The following MAST4 variants were observed in gnomAD, a reference collection of about 807,000 sequenced individuals.
MAST4 encodes microtubule-associated serine/threonine-protein kinase 4.
Under a neutral mutation model 162.7 loss-of-function variants are expected in MAST4, and 89 were observed. The ratio of observed to expected loss-of-function variants is 0.55; its 90% CI spans 0.46 to 0.65. MAST4 has a LOEUF of 0.65. Among genes scored for constraint, MAST4 ranks in the 30% least tolerant of loss-of-function variants. The probability of loss-of-function intolerance (pLI) is 0.00; values close to 1 mark genes in which losing one functional copy is unlikely to be tolerated. For synonymous variants in MAST4, 1,479 were observed against 1,361.1 expected, an observed-to-expected ratio of 1.09 and a Z score of -1.91; for missense variants, 3,153 against 3,374.0, an observed-to-expected ratio of 0.93 and a Z score of 1.62.
intron 4 of MAST4, among the ~76,000 whole-genome samples, chr5:66,973,984 C>T (rs151226126): frequency 6.6e-6 from 1 of 152,110 alleles, no homozygotes; most frequent in Admixed American, 6.5e-5. Flanking sequence ...TTGAGCACCT[C>T]CTCACTTTCT....
chr5:67,134,710 CT>C, intron 18 of MAST4, 22 bp downstream of exon 18: 2 of 1,589,454 alleles, frequency 1.3e-6, no homozygotes, highest in South Asian at 1.1e-5. Context: ...CAGGAGTTAT[CT>C]TTAGGTCACT....
intron 1 of MAST4, among the ~76,000 whole-genome samples, chr5:66,750,923 T>C (rs903141054): frequency 9.2e-5 from 14 of 152,342 alleles, no homozygotes; most frequent in African/African-American, 1.9e-4. Context: ...AGAGCAGTGG[T>C]TCTCCCAGCA....
At chr5:66,932,798 G>T (rs2150078188) in intron 4 of MAST4, among the ~76,000 whole-genome samples, 1 of 152,250 alleles carries the variant, frequency 6.6e-6, no homozygotes, top group South Asian at 2.1e-4. Context: ...ATTAGTCTTT[G>T]ATAGAGTGAA....
At chr5:67,145,459 G>C (rs1159577773) in intron 23 of MAST4, 80 bp downstream of exon 23, 19 of 1,217,328 alleles carry the variant, frequency 1.6e-5, no homozygotes, top group Middle Eastern at 2.8e-4. Flanking sequence ...GGCGGGCCTC[G>C]CCAGGCAGTA....
chr5:66,689,127 G>A (rs976947505), intron 1 of MAST4, among the ~76,000 whole-genome samples: 1 of 141,186 alleles, frequency 7.1e-6, no homozygotes, highest in Non-Finnish European at 1.5e-5. Context: ...TTTTTTTTTT[G>A]CAATTTAAGC....
intron 1 of MAST4, among the ~76,000 whole-genome samples, chr5:66,620,214 T>A (rs1252067343): frequency 6.6e-6 from 1 of 152,134 alleles, no homozygotes; most frequent in African/African-American, 2.4e-5. Context: ...GCTTGTGTTT[T>A]CTCTAGCACT....
At chr5:66,867,580 A>C (rs111525656) in intron 3 of MAST4, among the ~76,000 whole-genome samples, 1,758 of 152,228 alleles carry the variant, frequency 0.012, 16 homozygotes, top group Non-Finnish European at 0.015. Context: ...GCACATGTCA[A>C]CTCTTCTTTT....
At chr5:66,943,241 G>A (rs1361627589) in intron 4 of MAST4, among the ~76,000 whole-genome samples, 1 of 152,082 alleles carries the variant, frequency 6.6e-6, no homozygotes, top group Non-Finnish European at 1.5e-5. Context: ...GTGAAATGAG[G>A]TTGATAATAG....
At chr5:66,838,983 G>A (rs1369407366) in intron 3 of MAST4, among the ~76,000 whole-genome samples, 2 of 152,164 alleles carry the variant, frequency 1.3e-5, no homozygotes, top group Non-Finnish European at 2.9e-5. Flanking sequence ...TGCTTAGGAA[G>A]AGGCCAAGAA....
In MAST4 at chr5:66,798,631, G is replaced by A. The variant is rs116717174; in HGVS notation, c.642+9837G>A. Reference sequence around the variant, plus strand: ...ATTACTGTTTTCACAGTAGAATTCTGTATTTAGTGAGTAATAATTGGGTTC... The same window carrying A: ...ATTACTGTTTTCACAGTAGAATTCTATATTTAGTGAGTAATAATTGGGTTC... On this transcript the variant is annotated intron_variant, in intron 3 of 28. Coordinates refer to ENST00000403625, the MANE Select transcript of MAST4 (RefSeq NM_001164664.2). Among the ~76,000 whole-genome samples, 479 of 152,294 alleles carry A rather than the reference G, an allele frequency of 3.1e-3. 2 individuals are homozygous for A. Among genetic ancestry groups the A allele is most frequent in the African/African-American group, 0.011 (453 of 41,558 alleles).
rs144346322 is a variant in MAST4 at position 67,009,719 on chromosome 5, G to A, written c.675-44685G>A. Among the ~76,000 whole-genome samples the A allele has an allele frequency of 1.4e-3, 219 of 152,246 alleles. 1 individual carries two copies. Among genetic ancestry groups the A allele is most frequent in the African/African-American group, 5.1e-3 (211 of 41,542 alleles). The stretch of plus-strand genomic sequence containing the variant: ...TGAAGCTGCGGAGGAGAGCTGAGGC[G>A]CTTGGCATATGAGGGAGTTTGGTTT... On this transcript the variant is annotated intron_variant, in intron 4 of 28. Coordinates refer to ENST00000403625, the MANE Select transcript of MAST4 (RefSeq NM_001164664.2).
At chr5:66,960,807 A>G (rs1259666418) in intron 4 of MAST4, among the ~76,000 whole-genome samples, 1 of 152,176 alleles carries the variant, frequency 6.6e-6, no homozygotes. Flanking sequence ...TTTTAAAAAT[A>G]TGAACTCAGC....
At chr5:66,632,489 G>T (rs1017975616) in intron 1 of MAST4, among the ~76,000 whole-genome samples, 1 of 151,998 alleles carries the variant, frequency 6.6e-6, no homozygotes. Context: ...GTCTAATGTG[G>T]TGTTTATTTA....
chr5:66,636,673 C>G (rs754064050), intron 1 of MAST4, among the ~76,000 whole-genome samples: 1 of 152,148 alleles, frequency 6.6e-6, no homozygotes, highest in Non-Finnish European at 1.5e-5. Context: ...TTGTAGTTAG[C>G]AATTGTGCCT....
intron 1 of MAST4, among the ~76,000 whole-genome samples, chr5:66,713,608 A>G (rs973010660): frequency 2.0e-5 from 3 of 152,212 alleles, no homozygotes; most frequent in African/African-American, 7.2e-5. Flanking sequence ...CTTCAATTGA[A>G]TCAACATCTT....
chr5:66,648,069 TGTGTGTGTGTGTGTGAGAGA>T lies in MAST4; in HGVS notation c.363+51053_363+51072del, dbSNP rs1343296087. 2.2e-3 allele frequency among the ~76,000 whole-genome samples: 195 copies of T among 90,656 alleles called. 4 individuals are homozygous for T. Among genetic ancestry groups the T allele is most frequent in the African/African-American group, 8.2e-3 (189 of 23,182 alleles). 59.5% of individuals were successfully genotyped at this position (90,656 alleles called of 152,430 possible). A position where few individuals can be genotyped will look rare whatever the true frequency, so the allele number is the denominator to read the frequency against. On this transcript the variant is annotated intron_variant, in intron 1 of 28. Coordinates refer to ENST00000403625, the MANE Select transcript of MAST4 (RefSeq NM_001164664.2). ...GTGTGTGTGTGTGTGTGTGTGTGTG[TGTGTGTGTGTGTGTGAGAGA>T]GAGAGAGAGAGAGAGATTTAGTATT... is the stretch of plus-strand genomic sequence containing the variant.
Position 67,166,899 on chromosome 5 carries a change from A to G in MAST4, c.7720A>G (p.Arg2574Gly). 3 of 1,611,266 alleles carry G rather than the reference A, an allele frequency of 1.9e-6. No homozygotes were observed. Among genetic ancestry groups the G allele is most frequent in the Non-Finnish European group, 2.5e-6 (3 of 1,179,042 alleles). The change falls in exon 29 of 29, where the codon AGG becomes GGG. Residue 2574 changes from arginine (R) to glycine (G), a missense_variant. Coordinates refer to ENST00000403625, the MANE Select transcript of MAST4 (RefSeq NM_001164664.2). The stretch of plus-strand genomic sequence containing the variant: ...TGCCCCAGCCCAGCCTCCCCCAGCT[A>G]GGAAACAGAACGTGGGCAGAGACGT... ...DPAPAQPPPA[R>G]KQNVGRDVTK...
chr5:66,785,446 G>A (rs1489202615), intron 2 of MAST4, among the ~76,000 whole-genome samples: 1 of 151,936 alleles, frequency 6.6e-6, no homozygotes, highest in African/African-American at 2.4e-5. Flanking sequence ...ATTTTCCTGG[G>A]GTAGATGGGG....
At chr5:66,756,979 C>T (rs1447556326) in intron 1 of MAST4, among the ~76,000 whole-genome samples, 3 of 152,182 alleles carry the variant, frequency 2.0e-5, no homozygotes, top group Non-Finnish European at 4.4e-5. Flanking sequence ...GGACTAACAG[C>T]TCATGTCTAT....
Sources: gnomAD v4.1 joint callset for allele counts (sites outside exome capture counted in the v4.1 genomes callset) on GRCh38, gnomAD v4.1.1 for gene constraint, MANE v1.5 for transcripts, NCBI Gene and HGNC (gene_info 2026-07-23, HGNC 2026-07-21) for gene names.